The following TRRAP variants were observed in gnomAD, a reference collection of about 807,000 sequenced individuals.
TRRAP encodes the protein transformation/transcription domain-associated protein.
Under a neutral mutation model 438.8 loss-of-function variants are expected in TRRAP, and 41 were observed. The ratio of observed to expected loss-of-function variants is 0.09; its 90% CI spans 0.07 to 0.12. TRRAP has a LOEUF of 0.12. Ranked by LOEUF, TRRAP falls within the 10% of genes least tolerant of loss-of-function variation. The probability of loss-of-function intolerance (pLI) is 1.00; values close to 1 mark genes in which losing one functional copy is unlikely to be tolerated. For synonymous variants in TRRAP, 1,994 were observed against 1,962.9 expected (o/e 1.02, Z -0.42); for missense variants, 3,122 against 5,055.1 (o/e 0.62, Z 11.60).
rs200797422 is a variant in TRRAP at position 99,011,539 on chromosome 7, G to C, written c.11337+4G>C. 5.0e-6 allele frequency: 8 copies of C among 1,612,756 alleles called. No individual in the cohort carries two copies. In the Admixed American group the frequency reaches 6.7e-5, roughly 13 times the overall value. ...CTTCGCCCAGCCAAACTTTAAGGTGGGTCTCCACGTCGTCCTATCACAGGC... is the reference window on the plus strand; with the variant it reads ...CTTCGCCCAGCCAAACTTTAAGGTGCGTCTCCACGTCGTCCTATCACAGGC... On this transcript the variant is annotated splice_donor_region_variant and intron_variant, in intron 72 of 72. Transcript: ENST00000456197. This position sits in a 1 kb window ranked among gnomAD's most constrained non-coding sequence, Gnocchi z 7.1.
intron 4 of TRRAP, 28 bp from the exon 5 acceptor site, chr7:98,892,396 C>G: frequency 6.4e-7 from 1 of 1,560,770 alleles, no homozygotes; most frequent in African/African-American, 1.4e-5. Context: ...TATTTTTATC[C>G]TTACATTTAT....
intron 3 of TRRAP, among the ~76,000 whole-genome samples, chr7:98,885,755 C>G (rs1172368246): frequency 3.3e-5 from 5 of 152,022 alleles, no homozygotes; most frequent in Non-Finnish European, 7.4e-5. Context: ...CTGAGAGAAC[C>G]ATAGTCTTGG....
intron 53 of TRRAP, 95 bp downstream of exon 53, chr7:98,972,040 GTTTCT>G (rs943576536): frequency 6.8e-7 from 1 of 1,462,132 alleles, no homozygotes; most frequent in East Asian, 2.4e-5. Flanking sequence ...AACTTTTTCT[GTTTCT>G]TTTCTTTTTC....
chr7:98,891,845 T>C (rs1201216757), intron 4 of TRRAP, among the ~76,000 whole-genome samples: 2 of 152,220 alleles, frequency 1.3e-5, no homozygotes, highest in African/African-American at 4.8e-5. Context: ...GCCCAGCATG[T>C]AGCTCTTAAA....
Position 98,970,183 on chromosome 7 carries a change from C to T in TRRAP, c.7584C>T (p.Ile2528=). 1 of 1,613,972 alleles carries T rather than the reference C, an allele frequency of 6.2e-7. No individual in the cohort carries two copies. Among genetic ancestry groups the T allele is most frequent in the South Asian group, 1.1e-5 (1 of 91,090 alleles). ...GCCAAGGAGCCATGCTCCCGTCCATCACCAACGTCATCAACCTGGCCGATA... is the reference window on the plus strand; with the variant it reads ...GCCAAGGAGCCATGCTCCCGTCCATTACCAACGTCATCAACCTGGCCGATA... The part of the protein sequence containing the change: ...TSCQGAMLPS[I]TNVINLADSH... Residue 2528 remains isoleucine, a synonymous_variant, in exon 52 of 73, where the codon ATC becomes ATT. Transcript: ENST00000456197.
chr7:98,912,289 T>C (rs1789308076), intron 18 of TRRAP, 76 bp downstream of exon 18: 14 of 1,499,530 alleles, frequency 9.3e-6, no homozygotes, highest in Non-Finnish European at 1.1e-5. Flanking sequence ...CTCACGGTGG[T>C]GTCCAGGCTG....
chr7:98,891,385 TACTTTAATA>T (rs1410095828), intron 4 of TRRAP, among the ~76,000 whole-genome samples: 1 of 149,214 alleles, frequency 6.7e-6, no homozygotes, highest in Non-Finnish European at 1.5e-5. Context: ...CTAGTTTTTG[TACTTTAATA>T]GAGACCATGT....
chr7:98,976,827 T>C lies in TRRAP; in HGVS notation c.8247+57T>C, dbSNP rs1792681473. Reference sequence around the variant, plus strand: ...CTTCCCTGCCAGTGACTTCACACTTTAAATAAATACTCCTCCCAAATGATT... The same window carrying C: ...CTTCCCTGCCAGTGACTTCACACTTCAAATAAATACTCCTCCCAAATGATT... On this transcript the variant is annotated intron_variant, in intron 55 of 72. Coordinates refer to ENST00000456197, the MANE Select transcript of TRRAP (RefSeq NM_001375524.1). This position sits in a 1 kb window ranked among gnomAD's most constrained non-coding sequence, Gnocchi z 4.6. 1.2e-6 allele frequency: 2 copies of C among 1,601,126 alleles called. No individual in the cohort carries two copies. The highest frequency in any genetic ancestry group is 1.7e-5 in the Admixed American group (1 of 59,172).
rs186696325 is a variant in TRRAP, at chr7:98,935,254, T to C, written c.4015-325T>C. Among the ~76,000 whole-genome samples the C allele has an allele frequency of 5.3e-4, 80 of 152,172 alleles. 1 individual carries two copies. The highest frequency in any genetic ancestry group is 1.8e-3 in the African/African-American group (76 of 41,510). ...CCAGGAAGACACGGCCCTGCCATCA[T>C]GGGATTTGCAGTTAGATAAAGTAAC... On this transcript the variant is annotated intron_variant, in intron 27 of 72. Transcript: ENST00000456197.
intron 46 of TRRAP, among the ~76,000 whole-genome samples, 184 bp downstream of exon 46, chr7:98,961,658 G>C (rs1161222954): frequency 1.3e-5 from 2 of 152,158 alleles, no homozygotes; most frequent in Admixed American, 6.5e-5. Flanking sequence ...GGTGGCTCAC[G>C]CCTGTAATCC....
chr7:99,012,548 T>C lies in TRRAP; in HGVS notation c.*193T>C. 1.5e-6 allele frequency: 1 copy of C among 688,572 alleles called. No individual in the cohort carries two copies. 42.7% of individuals were successfully genotyped at this position (688,572 alleles called of 1,614,324 possible). ...TTTAGAGGAAGCTGAACTATGACGA[T>C]GCTGGGCGAAGCGGTTGGAAATGGC... On this transcript the variant is annotated 3_prime_UTR_variant, in exon 73 of 73. Transcript: ENST00000456197. This position sits in a 1 kb window ranked among gnomAD's most constrained non-coding sequence, Gnocchi z 5.9.
chr7:98,974,480 G>A (rs1210698269), intron 53 of TRRAP, among the ~76,000 whole-genome samples: 4 of 152,044 alleles, frequency 2.6e-5, no homozygotes, highest in African/African-American at 4.8e-5. Flanking sequence ...GCAACCCCTC[G>A]CTGGGCTCTT....
At chr7:98,880,921 C>G (rs1026524253) in intron 1 of TRRAP, among the ~76,000 whole-genome samples, 169 bp from the exon 2 acceptor site, 1 of 151,940 alleles carries the variant, frequency 6.6e-6, no homozygotes, top group Admixed American at 6.6e-5. Flanking sequence ...AATTAATAGA[C>G]AAAATTGGAG....
chr7:98,931,204 A>C (rs528125862), intron 25 of TRRAP, among the ~76,000 whole-genome samples: 112 of 152,334 alleles, frequency 7.4e-4, no homozygotes, highest in African/African-American at 2.5e-3. Flanking sequence ...TGCAGGGGTC[A>C]CATTTGGATC....
At position 98,970,177 on chromosome 7, in the gene TRRAP, G is replaced by A. The variant is rs762567146; in HGVS notation, c.7578G>A (p.Pro2526=). The A allele has an allele frequency of 9.9e-6, 16 of 1,613,810 alleles. No homozygotes were observed. The South Asian group carries it at 1.1e-4, about 11-fold the overall frequency. The change falls in exon 52 of 73, where the codon CCG becomes CCA. Residue 2526 remains proline, a synonymous_variant. Coordinates refer to ENST00000456197, the MANE Select transcript of TRRAP (RefSeq NM_001375524.1). ...CCAGCTGCCAAGGAGCCATGCTCCC[G>A]TCCATCACCAACGTCATCAACCTGG... ...IGTSCQGAML[P]SITNVINLAD...
chr7:98,979,255 C>T lies in TRRAP; in HGVS notation c.8634+351C>T, dbSNP rs565819928. 2.7e-4 allele frequency among the ~76,000 whole-genome samples: 41 copies of T among 152,286 alleles called. 1 individual carries two copies. The South Asian group carries it at 4.6e-3, about 17-fold the overall frequency. Reference sequence around the variant, plus strand: ...TTTATATCAGTAAAAATACATTCTTCCCTCAGTATCCAGGACACCCCAGCG... The same window carrying T: ...TTTATATCAGTAAAAATACATTCTTTCCTCAGTATCCAGGACACCCCAGCG... On this transcript the variant is annotated intron_variant, in intron 58 of 72. Coordinates refer to ENST00000456197, the MANE Select transcript of TRRAP (RefSeq NM_001375524.1).
At chr7:98,927,806 G>T (rs2116497405) in intron 23 of TRRAP, among the ~76,000 whole-genome samples, 1 of 151,978 alleles carries the variant, frequency 6.6e-6, no homozygotes, top group Middle Eastern at 3.4e-3. Context: ...CTGCTCCCAG[G>T]ATCCTCATTC....
At chr7:98,920,849 T>G (rs527327437) in intron 20 of TRRAP, among the ~76,000 whole-genome samples, 1 of 152,296 alleles carries the variant, frequency 6.6e-6, no homozygotes, top group East Asian at 1.9e-4. Context: ...CCACCCATTT[T>G]TTTTTTTGAG....
At chr7:98,962,107 C>T (rs1314910480) in intron 46 of TRRAP, among the ~76,000 whole-genome samples, 195 bp from the exon 47 acceptor site, 1 of 152,154 alleles carries the variant, frequency 6.6e-6, no homozygotes, top group Non-Finnish European at 1.5e-5. Flanking sequence ...ATTCTGTTAG[C>T]TTTTTTGAGT....
Sources: allele counts gnomAD v4.1 joint callset (sites outside exome capture counted in the v4.1 genomes callset), GRCh38; gene constraint gnomAD v4.1.1; non-coding constraint Gnocchi (gnomAD v3.1); transcripts MANE v1.5; gene names NCBI Gene and HGNC (gene_info 2026-07-23, HGNC 2026-07-21).